Variants in LIMA1 observed in about 807,000 individuals in gnomAD.
LIMA1 encodes LIM domain and actin-binding protein 1.
A neutral mutation model predicts 62.6 loss-of-function variants in LIMA1; 52 were observed. That is an observed-to-expected ratio of 0.83 (90% CI 0.67 to 1.05). The LOEUF is 1.05. Ranked by LOEUF, LIMA1 falls within the 50% of genes least tolerant of loss-of-function variation. The pLI, the probability that LIMA1 is intolerant of heterozygous loss-of-function variation, is 0.00. For synonymous variants in LIMA1, 302 were observed against 317.8 expected, an observed-to-expected ratio of 0.95 and a Z score of 0.53; for missense variants, 780 against 902.2, an observed-to-expected ratio of 0.86 and a Z score of 1.74.
intron 3 of LIMA1, among the ~76,000 whole-genome samples, chr12:50,228,668 G>A (rs1297394323): frequency 5.9e-5 from 9 of 152,114 alleles, no homozygotes; most frequent in Admixed American, 3.3e-4. Context: ...TATCCGCAGC[G>A]GGGATCTCTT....
intron 1 of LIMA1, among the ~76,000 whole-genome samples, chr12:50,262,256 A>C: frequency 6.6e-6 from 1 of 152,310 alleles, no homozygotes; most frequent in African/African-American, 2.4e-5. Context: ...AAGGAAGATG[A>C]GAAATAAAGG....
At chr12:50,256,810 CA>C (rs1209405518) in intron 1 of LIMA1, among the ~76,000 whole-genome samples, 8 of 151,686 alleles carry the variant, frequency 5.3e-5, no homozygotes, top group Admixed American at 2.0e-4. Flanking sequence ...AAAGACAAAA[CA>C]AAAAAAAGTT....
chr12:50,221,949 C>G, intron 4 of LIMA1, 72 bp downstream of exon 4: 1 of 1,334,434 alleles, frequency 7.5e-7, no homozygotes, highest in Non-Finnish European at 1.0e-6. Flanking sequence ...CTCAAAATAG[C>G]TAGATTGGAA....
Position 50,221,181 on chromosome 12 carries a change from G to A in LIMA1, c.630+840C>T, listed in dbSNP as rs150448169. Among the ~76,000 whole-genome samples, 103 of 152,208 alleles carry A rather than the reference G, an allele frequency of 6.8e-4. 1 individual carries two copies. The highest frequency in any genetic ancestry group is 2.4e-3 in the African/African-American group (98 of 41,508). ...CTTTCCCATCTAGGTGGAATCTAGAGTAACAGATGGTTTTGCTCCCCATCA... is the reference window on the plus strand; with the variant it reads ...CTTTCCCATCTAGGTGGAATCTAGAATAACAGATGGTTTTGCTCCCCATCA... On this transcript the variant is annotated intron_variant, in intron 4 of 10. Coordinates refer to ENST00000341247, the MANE Select transcript of LIMA1 (RefSeq NM_016357.5).
chr12:50,261,042 A>ATTTTTTTTTTTTTTTTTTTTTTT lies in LIMA1; in HGVS notation c.-23-12291_-23-12269dup, dbSNP rs71083524. Among the ~76,000 whole-genome samples the ATTTTTTTTTTTTTTTTTTTTTTT allele has an allele frequency of 3.7e-5, 2 of 54,292 alleles. 1 individual carries two copies. The highest frequency in any genetic ancestry group is 6.4e-5 in the Non-Finnish European group (2 of 31,312). The allele number at this position is 54,292 out of a possible 152,430, so 35.6% of individuals were successfully genotyped here. On this transcript the variant is annotated intron_variant, in intron 1 of 10. Coordinates refer to ENST00000341247, the MANE Select transcript of LIMA1 (RefSeq NM_016357.5). ...CTTTTGCTTTTCTGCCATCTAGTAT[A>ATTTTTTTTTTTTTTTTTTTTTTT]TTTTTTTTTTTTTTTTTTTTTTTTT... is the stretch of plus-strand genomic sequence containing the variant.
At chr12:50,220,671 A>G (rs1016513679) in intron 4 of LIMA1, 2 of 152,112 alleles carry the variant, frequency 1.3e-5, no homozygotes, top group African/African-American at 4.8e-5. Context: ...CTTCCTCTCT[A>G]TTTAGGATTT....
At chr12:50,199,545 C>A (rs533264026) in intron 7 of LIMA1, among the ~76,000 whole-genome samples, 4 of 152,234 alleles carry the variant, frequency 2.6e-5, no homozygotes, top group South Asian at 4.1e-4. Context: ...GTCCTGTATA[C>A]CCCTCTCACA....
intron 7 of LIMA1, 48 bp downstream of exon 7, chr12:50,200,729 T>G (rs751980564): frequency 6.3e-7 from 1 of 1,593,362 alleles, no homozygotes; most frequent in Non-Finnish European, 8.6e-7. Context: ...GCATCTAATT[T>G]AGAACACATG....
At chr12:50,219,672 G>A (rs932354456) in intron 4 of LIMA1, 12 of 152,062 alleles carry the variant, frequency 7.9e-5, no homozygotes, top group African/African-American at 2.7e-4. Context: ...AAGCCCAGGT[G>A]AATCTTATGT....
intron 10 of LIMA1, 82 bp downstream of exon 10, chr12:50,181,822 T>C: frequency 6.7e-7 from 1 of 1,483,484 alleles, no homozygotes; most frequent in Non-Finnish European, 9.3e-7. Flanking sequence ...GCACAGTAGC[T>C]TTTAGCACCA....
intron 8 of LIMA1, among the ~76,000 whole-genome samples, chr12:50,194,775 C>A (rs575101649): frequency 2.6e-5 from 4 of 151,592 alleles, no homozygotes; most frequent in Admixed American, 2.6e-4. Flanking sequence ...CGGCCAGGCA[C>A]GGTGGCTCAC....
At chr12:50,203,153 G>T (rs1359024071) in intron 6 of LIMA1, among the ~76,000 whole-genome samples, 2 of 151,530 alleles carry the variant, frequency 1.3e-5, no homozygotes, top group East Asian at 3.9e-4. Context: ...GGGATTACAG[G>T]TGTGTGCCAC....
intron 2 of LIMA1, among the ~76,000 whole-genome samples, chr12:50,247,557 C>A (rs1941867564): frequency 6.6e-6 from 1 of 151,600 alleles, no homozygotes; most frequent in South Asian, 2.1e-4. Context: ...CTAAGTAGAG[C>A]AGAGATCCTG....
chr12:50,231,219 A>C (rs1237387587), intron 3 of LIMA1, among the ~76,000 whole-genome samples: 1 of 152,206 alleles, frequency 6.6e-6, no homozygotes, highest in Non-Finnish European at 1.5e-5. Context: ...TCCTGCAGCT[A>C]GGAAACTTGC....
intron 4 of LIMA1, among the ~76,000 whole-genome samples, chr12:50,210,948 G>GT (rs1329100368): frequency 1.3e-5 from 2 of 152,146 alleles, no homozygotes; most frequent in Non-Finnish European, 2.9e-5. Flanking sequence ...GGTAAGATGG[G>GT]TTTTCATGAT....
intron 2 of LIMA1, among the ~76,000 whole-genome samples, chr12:50,238,608 C>T (rs1941730124): frequency 6.6e-6 from 1 of 152,038 alleles, no homozygotes; most frequent in Non-Finnish European, 1.5e-5. Flanking sequence ...ACTGTAATCC[C>T]AGCACTTTGG....
intron 1 of LIMA1, among the ~76,000 whole-genome samples, chr12:50,270,601 T>C (rs1283971375): frequency 2.3e-5 from 2 of 87,184 alleles, no homozygotes; most frequent in African/African-American, 1.0e-4. Flanking sequence ...TGAGACCTTA[T>C]CTCAAAAAAA....
chr12:50,248,873 C>T, intron 1 of LIMA1, 99 bp from the exon 2 acceptor site: 1 of 680,612 alleles, frequency 1.5e-6, no homozygotes, highest in Non-Finnish European at 2.7e-6. Flanking sequence ...TTGCAGACCA[C>T]ACTCCTCCAC....
intron 10 of LIMA1, among the ~76,000 whole-genome samples, chr12:50,178,281 T>C (rs1940400965): frequency 6.6e-6 from 1 of 152,164 alleles, no homozygotes; most frequent in Admixed American, 6.5e-5. Context: ...GTGCAGTGGC[T>C]CATGCCTGTA....
Sources: allele counts gnomAD v4.1 joint callset (sites outside exome capture counted in the v4.1 genomes callset), GRCh38; gene constraint gnomAD v4.1.1; transcripts MANE v1.5; gene names NCBI Gene and HGNC (gene_info 2026-07-23, HGNC 2026-07-21).